Variants in HMCN1 observed in about 807,000 individuals in gnomAD.
HMCN1 encodes the protein hemicentin 1.
In HMCN1, 321 loss-of-function variants were observed where a neutral mutation model predicts 625.9. The observed-to-expected ratio is 0.51, with a 90% CI of 0.47 to 0.56. The LOEUF is 0.56. Ranked by LOEUF, HMCN1 falls within the 20% of genes least tolerant of loss-of-function variation. The pLI is 0.00. For missense variants in HMCN1, 6,588 were observed against 6,887.3 expected (o/e 0.96, Z 1.54); for synonymous variants, 2,425 against 2,417.6 (o/e 1.00, Z -0.09).
rs1395031106 is a variant in HMCN1 at position 185,910,568 on chromosome 1, C to CCCT, written c.793+1061_793+1062insCTC. On this transcript the variant is annotated intron_variant, in intron 5 of 106. Transcript: ENST00000271588. ...GATGCTTATAACTTATTTCTTTCTT[C>CCCT]CTTCTTTTTTTTTTTTTTTTGACAT... Among the ~76,000 whole-genome samples the CCCT allele has an allele frequency of 7.1e-3, 1,062 of 149,562 alleles. 12 individuals carry two copies. The highest frequency in any genetic ancestry group is 0.024 in the African/African-American group (951 of 39,530).
intron 1 of HMCN1, among the ~76,000 whole-genome samples, chr1:185,803,626 T>C (rs965641886): frequency 2.6e-5 from 4 of 152,134 alleles, no homozygotes; most frequent in African/African-American, 9.7e-5. Context: ...CACTTTTGAA[T>C]AGTTAGTACC....
intron 1 of HMCN1, among the ~76,000 whole-genome samples, chr1:185,825,244 A>G (rs1320479542): frequency 2.0e-5 from 3 of 152,184 alleles, no homozygotes; most frequent in African/African-American, 4.8e-5. Flanking sequence ...TAACTTGTCC[A>G]AATTCACACC....
At chr1:185,888,955 TC>T (rs1455820590) in intron 4 of HMCN1, among the ~76,000 whole-genome samples, 2 of 147,598 alleles carry the variant, frequency 1.4e-5, no homozygotes, top group African/African-American at 5.4e-5. Context: ...GGAATGTTCT[TC>T]CATTTGTTTG....
intron 68 of HMCN1, among the ~76,000 whole-genome samples, 156 bp from the exon 69 acceptor site, chr1:186,103,316 G>A (rs930623641): frequency 6.6e-6 from 1 of 152,146 alleles, no homozygotes; most frequent in African/African-American, 2.4e-5. Context: ...GTGTCAATGA[G>A]AAATGGTAAT....
intron 95 of HMCN1, 76 bp from the exon 96 acceptor site, chr1:186,152,674 A>G: frequency 6.4e-7 from 1 of 1,572,970 alleles, no homozygotes; most frequent in Non-Finnish European, 8.7e-7. Context: ...CTGAACTGGT[A>G]TGTAAGGTAA....
intron 1 of HMCN1, among the ~76,000 whole-genome samples, chr1:185,782,798 C>T (rs558416439): frequency 2.2e-3 from 342 of 152,266 alleles, no homozygotes; most frequent in South Asian, 5.0e-3. Context: ...TCATTTCAAC[C>T]TTGGTGAATC....
intron 1 of HMCN1, among the ~76,000 whole-genome samples, chr1:185,826,720 TAC>T (rs934284363): frequency 6.6e-6 from 1 of 152,112 alleles, no homozygotes; most frequent in Non-Finnish European, 1.5e-5. Flanking sequence ...CCATCTCAAC[TAC>T]CATGTCCATT....
In HMCN1 at chr1:185,783,727, C is replaced by T. The variant is rs149031438; in HGVS notation, c.268+48680C>T. On this transcript the variant is annotated intron_variant, in intron 1 of 106. Coordinates refer to ENST00000271588, the MANE Select transcript of HMCN1 (RefSeq NM_031935.3). ...GGAAGCTTCGTCTCAGAGGGGTACC[C>T]GGCCATGTGAGGTGTCAGTCTGCCC... Among the ~76,000 whole-genome samples the T allele has an allele frequency of 8.0e-3, 1,219 of 152,272 alleles. 24 individuals carry two copies. The highest frequency in any genetic ancestry group is 0.026 in the African/African-American group (1,066 of 41,540).
chr1:186,186,505 C>T (rs530974670), intron 105 of HMCN1, among the ~76,000 whole-genome samples: 6 of 152,066 alleles, frequency 3.9e-5, no homozygotes, highest in Non-Finnish European at 8.8e-5. Flanking sequence ...CCAGCTTGGG[C>T]GACAGAGTGA....
At chr1:186,158,210 C>A (rs1651165169) in intron 97 of HMCN1, among the ~76,000 whole-genome samples, 1 of 150,452 alleles carries the variant, frequency 6.6e-6, no homozygotes, top group African/African-American at 2.5e-5. Context: ...AGCATTTTTT[C>A]ATGTGTTTTT....
At chr1:185,952,518 A>C (rs1204907740) in intron 11 of HMCN1, among the ~76,000 whole-genome samples, 2 of 151,828 alleles carry the variant, frequency 1.3e-5, no homozygotes, top group Non-Finnish European at 2.9e-5. Context: ...GATGTGTAAA[A>C]GAATGCCTGG....
At chr1:186,084,153 A>T (rs1659336119) in intron 57 of HMCN1, among the ~76,000 whole-genome samples, 1 of 152,252 alleles carries the variant, frequency 6.6e-6, no homozygotes, top group South Asian at 2.1e-4. Flanking sequence ...ATATATCTGT[A>T]TCTATGCCTC....
At chr1:185,809,546 A>T (rs1000649089) in intron 1 of HMCN1, among the ~76,000 whole-genome samples, 1 of 151,860 alleles carries the variant, frequency 6.6e-6, no homozygotes. Context: ...TGAAATTCCT[A>T]CTGTGCATCT....
At chr1:186,130,243 GA>G in intron 84 of HMCN1, 143 bp downstream of exon 84, 3 of 1,189,198 alleles carry the variant, frequency 2.5e-6, no homozygotes, top group Non-Finnish European at 3.6e-6. Flanking sequence ...AAATTCATGA[GA>G]AAAAAATTAT....
At chr1:186,116,765 C>A (rs720972) in intron 75 of HMCN1, among the ~76,000 whole-genome samples, 97,420 of 151,786 alleles carry the variant, frequency 0.64, 33,367 homozygotes, top group African/African-American at 0.9. Context: ...CAATCCTTCC[C>A]ACAATTACTT....
At chr1:186,052,306 G>C (rs1243425309) in intron 42 of HMCN1, among the ~76,000 whole-genome samples, 1 of 151,984 alleles carries the variant, frequency 6.6e-6, no homozygotes, top group Non-Finnish European at 1.5e-5. Context: ...CCGTCTACCA[G>C]CTGACAGTCC....
At chr1:185,985,542 A>G (rs1651950485) in intron 19 of HMCN1, among the ~76,000 whole-genome samples, 1 of 152,190 alleles carries the variant, frequency 6.6e-6, no homozygotes, top group Non-Finnish European at 1.5e-5. Flanking sequence ...ATACAGACAA[A>G]CGAATGATAT....
intron 100 of HMCN1, among the ~76,000 whole-genome samples, chr1:186,167,167 T>A (rs545754936): frequency 1.9e-4 from 29 of 152,212 alleles, no homozygotes; most frequent in Non-Finnish European, 3.8e-4. Flanking sequence ...TTTATTCAGA[T>A]ATATTCCACA....
At chr1:186,036,046 A>G (rs537553156) in intron 36 of HMCN1, among the ~76,000 whole-genome samples, 9 of 152,312 alleles carry the variant, frequency 5.9e-5, no homozygotes, top group African/African-American at 2.2e-4. Context: ...TATTGTCATT[A>G]TAAAATATTA....
Sources: allele counts gnomAD v4.1 joint callset (sites outside exome capture counted in the v4.1 genomes callset), GRCh38; gene constraint gnomAD v4.1.1; transcripts MANE v1.5; gene names NCBI Gene and HGNC (gene_info 2026-07-23, HGNC 2026-07-21).